CDH4: variants seen among roughly 807,000 people sequenced by gnomAD.
CDH4 encodes the protein cadherin 4, also known as cadherin-4.
Under a neutral mutation model 86.0 loss-of-function variants are expected in CDH4, and 33 were observed. The ratio of observed to expected loss-of-function variants is 0.38; its 90% confidence interval spans 0.29 to 0.51. The LOEUF is 0.51. CDH4 is among the 20% of genes least tolerant of loss of function. The pLI is 0.86. For missense variants in CDH4, 1,114 were observed against 1,307.4 expected (o/e 0.85, Z 2.28); for synonymous variants, 555 against 549.4 (o/e 1.01, Z -0.14).
intron 2 of CDH4, among the ~76,000 whole-genome samples, chr20:61,313,038 G>T (rs1404433334): frequency 6.6e-6 from 1 of 152,192 alleles, no homozygotes; most frequent in Non-Finnish European, 1.5e-5. Context: ...CTGCCCCAGG[G>T]TGGCCCCCAG....
At position 61,517,346 on chromosome 20, in the gene CDH4, C is replaced by T. The variant is rs1368154234; in HGVS notation, c.170-226217C>T. Among the ~76,000 whole-genome samples the T allele has an allele frequency of 6.6e-6, 1 of 152,212 alleles. No individual in the cohort carries two copies. Among genetic ancestry groups the T allele is most frequent in the Non-Finnish European group, 1.5e-5 (1 of 68,046 alleles). ...TGTAGCTGGGGCCACAGGTGCACAC[C>T]ACCTTGTGCAGCTAATTTTTTTACT... On this transcript the variant is annotated intron_variant, in intron 2 of 15. Coordinates refer to ENST00000614565, the MANE Select transcript of CDH4 (RefSeq NM_001794.5). The surrounding 1 kb of genome is among the most constrained non-coding windows in gnomAD (Gnocchi z 6.6).
rs566627583 is a variant in CDH4 at position 61,681,174 on chromosome 20, C to T, written c.170-62389C>T. On this transcript the variant is annotated intron_variant, in intron 2 of 15. Transcript: ENST00000614565. The surrounding 1 kb of genome is among the most constrained non-coding windows in gnomAD (Gnocchi z 4.5). Reference sequence around the variant, plus strand: ...TGCAAGGGTAAAACACCCGCCCTCACGTCCTAATGGCTTTTTTTCTCTTTC... The same window carrying T: ...TGCAAGGGTAAAACACCCGCCCTCATGTCCTAATGGCTTTTTTTCTCTTTC... 1.1e-4 allele frequency among the ~76,000 whole-genome samples: 16 copies of T among 152,196 alleles called. No individual in the cohort carries two copies. The highest frequency in any genetic ancestry group is 1.3e-4 in the Admixed American group (2 of 15,278).
chr20:61,479,615 T>A (rs1282620184), intron 2 of CDH4, among the ~76,000 whole-genome samples: 1 of 152,222 alleles, frequency 6.6e-6, no homozygotes, highest in African/African-American at 2.4e-5. Flanking sequence ...TGGAATACTA[T>A]GCAGCCATAA....
intron 2 of CDH4, among the ~76,000 whole-genome samples, chr20:61,461,587 G>A (rs1359243196): frequency 1.3e-5 from 2 of 152,148 alleles, no homozygotes; most frequent in Non-Finnish European, 2.9e-5. Flanking sequence ...GAAATGCAAC[G>A]GGACCCACGT....
chr20:61,750,796 G>C (rs1017009471), intron 3 of CDH4, among the ~76,000 whole-genome samples: 7 of 152,152 alleles, frequency 4.6e-5, no homozygotes, highest in African/African-American at 1.7e-4. Flanking sequence ...GGTTAGCAAG[G>C]GTGCTGGATG....
At chr20:61,373,023 C>T (rs1444195322) in intron 2 of CDH4, among the ~76,000 whole-genome samples, 4 of 152,226 alleles carry the variant, frequency 2.6e-5, no homozygotes, top group Admixed American at 2.6e-4. Flanking sequence ...ATAAAAAGTA[C>T]TTTTCATAAA....
At chr20:61,613,158 T>C (rs959485903) in intron 2 of CDH4, among the ~76,000 whole-genome samples, 9 of 152,084 alleles carry the variant, frequency 5.9e-5, no homozygotes, top group African/African-American at 2.2e-4. Flanking sequence ...CAGGGGCTTT[T>C]CTTCTTCTCC....
intron 2 of CDH4, among the ~76,000 whole-genome samples, chr20:61,529,753 C>G (rs6142654): frequency 0.11 from 16,693 of 152,240 alleles, 1,156 homozygotes; most frequent in East Asian, 0.35. Flanking sequence ...TGGGTGGTGT[C>G]TTCAGAACTT....
chr20:61,521,693 C>T (rs915922264), intron 2 of CDH4, among the ~76,000 whole-genome samples: 1 of 152,196 alleles, frequency 6.6e-6, no homozygotes, highest in Non-Finnish European at 1.5e-5. Flanking sequence ...TCAGAACAAA[C>T]CACAATTAAT....
intron 4 of CDH4, among the ~76,000 whole-genome samples, chr20:61,844,187 C>G (rs1982317763): frequency 6.6e-6 from 1 of 152,202 alleles, no homozygotes; most frequent in South Asian, 2.1e-4. Flanking sequence ...CAGTTAGCAG[C>G]CTTTTCTAGC....
chr20:61,390,500 C>G (rs2084977233), intron 2 of CDH4, among the ~76,000 whole-genome samples: 4 of 147,070 alleles, frequency 2.7e-5, no homozygotes, highest in Admixed American at 2.7e-4. Context: ...AGTGCCGTGT[C>G]TGGGAAACCC....
At chr20:61,767,347 G>A (rs2088712159) in intron 3 of CDH4, among the ~76,000 whole-genome samples, 1 of 152,202 alleles carries the variant, frequency 6.6e-6, no homozygotes, top group Admixed American at 6.5e-5. Flanking sequence ...CCCCACCGGG[G>A]CTGTGGTACC....
At chr20:61,730,809 T>C (rs115599153) in intron 2 of CDH4, among the ~76,000 whole-genome samples, 3,173 of 152,034 alleles carry the variant, frequency 0.021, 61 homozygotes, top group South Asian at 0.067. Context: ...CCAGATCTAC[T>C]TGCTCTGTGA....
At chr20:61,790,810 A>G (rs769282867) in intron 4 of CDH4, among the ~76,000 whole-genome samples, 1 of 136,602 alleles carries the variant, frequency 7.3e-6, no homozygotes, top group Non-Finnish European at 1.5e-5. Flanking sequence ...CCACCCATCC[A>G]TCCATCCACC....
rs561184580 is a variant in CDH4 at position 61,269,693 on chromosome 20, G to A, written c.169+14756G>A. 2.6e-5 allele frequency among the ~76,000 whole-genome samples: 4 copies of A among 152,314 alleles called. No individual in the cohort carries two copies. The highest frequency in any genetic ancestry group is 7.2e-5 in the African/African-American group (3 of 41,578). On this transcript the variant is annotated intron_variant, in intron 2 of 15. Coordinates refer to ENST00000614565, the MANE Select transcript of CDH4 (RefSeq NM_001794.5). The surrounding 1 kb of genome is among the most constrained non-coding windows in gnomAD (Gnocchi z 5.3). ...AGCAGACCCCAGTCCTGCCAGAGCTGCCCTCCTGCTCTCCTCCTCCTCTTC... is the reference window on the plus strand; with the variant it reads ...AGCAGACCCCAGTCCTGCCAGAGCTACCCTCCTGCTCTCCTCCTCCTCTTC...
At chr20:61,696,227 C>T (rs185784018) in intron 2 of CDH4, among the ~76,000 whole-genome samples, 127 of 152,330 alleles carry the variant, frequency 8.3e-4, no homozygotes, top group Middle Eastern at 3.4e-3. Flanking sequence ...GAATGAGAAC[C>T]GCCCCCCACA....
At chr20:61,838,488 G>T (rs1268704773) in intron 4 of CDH4, among the ~76,000 whole-genome samples, 1 of 152,114 alleles carries the variant, frequency 6.6e-6, no homozygotes, top group South Asian at 2.1e-4. Flanking sequence ...TTCCCTCAAG[G>T]CTCCCATGAG....
rs369613434 is a variant in CDH4 at position 61,802,790 on chromosome 20, G to A, written c.576+29608G>A. ...CCTGGGAGGAGAGGCTGGAGGAACC[G>A]GGCCTTCCCACCACGGGGCCCTGTC... On this transcript the variant is annotated intron_variant, in intron 4 of 15. Coordinates refer to ENST00000614565, the MANE Select transcript of CDH4 (RefSeq NM_001794.5). Among the ~76,000 whole-genome samples, 100 of 152,330 alleles carry A rather than the reference G, an allele frequency of 6.6e-4. 2 individuals carry two copies. The East Asian group carries it at 0.016, about 25-fold the overall frequency.
rs141758979 is a variant in CDH4, at chr20:61,683,977, A to G, written c.170-59586A>G. On this transcript the variant is annotated intron_variant, in intron 2 of 15. Coordinates refer to ENST00000614565, the MANE Select transcript of CDH4 (RefSeq NM_001794.5). ...GAGACTGTAGCCCCATCACAACCAC[A>G]TCATCCCCTTCCCAGGAGCTCCTCG... Among the ~76,000 whole-genome samples the G allele has an allele frequency of 2.9e-3, 441 of 152,284 alleles. 3 individuals are homozygous for G. The highest frequency in any genetic ancestry group is 9.6e-3 in the African/African-American group (398 of 41,550).
Sources: allele counts gnomAD v4.1 joint callset (sites outside exome capture counted in the v4.1 genomes callset), GRCh38; gene constraint gnomAD v4.1.1; non-coding constraint Gnocchi (gnomAD v3.1); transcripts MANE v1.5; gene names NCBI Gene and HGNC (gene_info 2026-07-23, HGNC 2026-07-21).